The following LYPLAL1 variants were observed in gnomAD, a reference collection of about 807,000 sequenced individuals.
LYPLAL1 encodes lysophospholipase like 1.
LYPLAL1 carries 23 observed loss-of-function variants against 19.7 expected under a neutral mutation model. The ratio of observed to expected loss-of-function variants is 1.17; its 90% CI spans 0.84 to 1.65. The LOEUF (loss-of-function observed/expected upper bound fraction) is 1.65, where lower values mean the gene tolerates loss of function less well. LYPLAL1 is among the 40% of genes most tolerant of loss of function. The pLI is 0.00. For missense variants in LYPLAL1, 355 were observed against 279.4 expected (o/e 1.27, Z -1.93); for synonymous variants, 119 against 96.3 (o/e 1.24, Z -1.38).
At chr1:219,343,082 A>T in the LYPLAL1 span, among the ~76,000 whole-genome samples, 2 of 152,184 alleles carry the variant, frequency 1.3e-5, no homozygotes, top group Non-Finnish European at 2.9e-5. Context: ...CAACTTAACC[A>T]TTGGAATAAG....
chr1:219,343,098 G>A, the LYPLAL1 span, among the ~76,000 whole-genome samples: 20 of 152,154 alleles, frequency 1.3e-4, no homozygotes, highest in Non-Finnish European at 8.8e-5. Context: ...ATAAGCTGGA[G>A]CATCTGTAAT....
the LYPLAL1 span, among the ~76,000 whole-genome samples, chr1:219,365,357 A>G: frequency 6.6e-6 from 1 of 152,192 alleles, no homozygotes; most frequent in South Asian, 2.1e-4. Flanking sequence ...TCAATGGTTT[A>G]GCATCCTCCA....
At chr1:219,326,803 C>T in the LYPLAL1 span, among the ~76,000 whole-genome samples, 52,232 of 152,024 alleles carry the variant, frequency 0.34, 9,853 homozygotes, top group East Asian at 0.81. Flanking sequence ...GGATACCAAA[C>T]AGGTTGCGGC....
chr1:219,332,741 G>T, the LYPLAL1 span, among the ~76,000 whole-genome samples: 6 of 148,754 alleles, frequency 4.0e-5, no homozygotes, highest in East Asian at 2.0e-4. Flanking sequence ...GCAACTAAAT[G>T]TTTTTTTTTA....
chr1:219,218,247 T>C, the LYPLAL1 span, among the ~76,000 whole-genome samples: 3 of 152,022 alleles, frequency 2.0e-5, no homozygotes, highest in Admixed American at 6.6e-5. Context: ...ATATGTAAAA[T>C]AAAATGTCCA....
intron 2 of LYPLAL1, among the ~76,000 whole-genome samples, chr1:219,184,568 G>A (rs920397858): frequency 1.3e-5 from 2 of 151,846 alleles, no homozygotes; most frequent in African/African-American, 4.8e-5. Context: ...ACTGTTAAGT[G>A]TGATGTTAGT....
chr1:219,405,842 T>C, the LYPLAL1 span, among the ~76,000 whole-genome samples: 1 of 152,162 alleles, frequency 6.6e-6, no homozygotes, highest in Non-Finnish European at 1.5e-5. Context: ...GCTTCCTCAT[T>C]AGAGGTCACT....
At chr1:219,256,820 TTATCAAGAAG>T in the LYPLAL1 span, among the ~76,000 whole-genome samples, 1 of 151,982 alleles carries the variant, frequency 6.6e-6, no homozygotes, top group African/African-American at 2.4e-5. Context: ...GATCCATAAG[TTATCAAGAAG>T]TATACTACTT....
the LYPLAL1 span, among the ~76,000 whole-genome samples, chr1:219,402,805 G>A: frequency 2.6e-5 from 4 of 152,054 alleles, no homozygotes; most frequent in African/African-American, 7.2e-5. Flanking sequence ...TCATGTAATC[G>A]TGAGAATAAG....
chr1:219,367,276 A>G, the LYPLAL1 span, among the ~76,000 whole-genome samples: 20 of 152,212 alleles, frequency 1.3e-4, no homozygotes, highest in Non-Finnish European at 2.6e-4. Context: ...CAAATCCTAA[A>G]AAACATGGCA....
chr1:219,244,556 C>T, the LYPLAL1 span, among the ~76,000 whole-genome samples: 34 of 152,294 alleles, frequency 2.2e-4, no homozygotes, highest in African/African-American at 8.2e-4. Context: ...CTGGTGCACA[C>T]TTGGGGATTA....
chr1:219,401,179 A>G, the LYPLAL1 span, among the ~76,000 whole-genome samples: 1 of 151,888 alleles, frequency 6.6e-6, no homozygotes, highest in Non-Finnish European at 1.5e-5. Flanking sequence ...GCTCTCATCA[A>G]TTTTTGATCT....
chr1:219,187,111 T>C (rs1243717712), intron 2 of LYPLAL1, among the ~76,000 whole-genome samples: 2 of 151,644 alleles, frequency 1.3e-5, no homozygotes, highest in Non-Finnish European at 3.0e-5. Context: ...ATGTATTTTG[T>C]CTGCATACAT....
chr1:219,317,052 A>T, the LYPLAL1 span, among the ~76,000 whole-genome samples: 401 of 152,320 alleles, frequency 2.6e-3, 2 homozygotes, highest in African/African-American at 9.1e-3. Flanking sequence ...ATTTTATGTT[A>T]TAGGTATTTT....
chr1:219,179,239 C>A lies in LYPLAL1; in HGVS notation c.184C>A (p.Pro62Thr). Residue 62 changes from proline to threonine, a missense_variant, in exon 2 of 5, where the codon CCT becomes ACT. Pro to Thr is a conservative substitution (Grantham distance 38). Transcript: ENST00000366928. ...CATAAAAATTATTTATCCAACAGCT[C>A]CTCCCAGGTATGCAGTAATTTATCT... is the stretch of plus-strand genomic sequence containing the variant. ...QHIKIIYPTA[P>T]PRSYTPMKGG... 1 of 1,604,972 alleles carries A rather than the reference C, an allele frequency of 6.2e-7. No individual in the cohort carries two copies.
the LYPLAL1 span, among the ~76,000 whole-genome samples, chr1:219,383,570 G>T: frequency 1.1e-4 from 17 of 152,166 alleles, no homozygotes; most frequent in Non-Finnish European, 2.2e-4. Flanking sequence ...TTCAACAGAT[G>T]CCTATAACCC....
At chr1:219,318,250 C>A in the LYPLAL1 span, among the ~76,000 whole-genome samples, 1 of 152,124 alleles carries the variant, frequency 6.6e-6, no homozygotes, top group East Asian at 1.9e-4. Context: ...TTTCCATCAC[C>A]TTGAGTGTTC....
the LYPLAL1 span, among the ~76,000 whole-genome samples, chr1:219,290,675 T>A: frequency 6.6e-6 from 1 of 152,154 alleles, no homozygotes; most frequent in Non-Finnish European, 1.5e-5. Context: ...GAATAGCTAT[T>A]CTTTCACCAC....
At chr1:219,293,560 A>C in the LYPLAL1 span, among the ~76,000 whole-genome samples, 1 of 152,214 alleles carries the variant, frequency 6.6e-6, no homozygotes, top group African/African-American at 2.4e-5. Flanking sequence ...GGAATCAAGA[A>C]ATTCACATTG....
Sources: gnomAD v4.1 joint callset for allele counts (sites outside exome capture counted in the v4.1 genomes callset) on GRCh38, gnomAD v4.1.1 for gene constraint, MANE v1.5 for transcripts, NCBI Gene and HGNC (gene_info 2026-07-23, HGNC 2026-07-21) for gene names.